Variants in CADPS observed in about 807,000 individuals in gnomAD.
CADPS encodes the protein calcium-dependent secretion activator 1.
Under a neutral mutation model 167.3 loss-of-function variants are expected in CADPS, and 57 were observed. The observed-to-expected ratio is 0.34, with a 90% CI of 0.28 to 0.42. The LOEUF is 0.42. Ranked by LOEUF, CADPS falls within the 20% of genes least tolerant of loss-of-function variation. The pLI is 1.00. For synonymous variants in CADPS, 676 were observed against 635.3 expected, an observed-to-expected ratio of 1.06 and a Z score of -0.96; for missense variants, 1,414 against 1,738.1, an observed-to-expected ratio of 0.81 and a Z score of 3.32.
chr3:62,490,150 G>A (rs1412384096), intron 21 of CADPS, among the ~76,000 whole-genome samples: 1 of 152,064 alleles, frequency 6.6e-6, no homozygotes. Context: ...TTAAAAATAG[G>A]CTGCAAGTCA....
intron 21 of CADPS, among the ~76,000 whole-genome samples, chr3:62,483,221 G>A (rs1307187987): frequency 6.6e-6 from 1 of 151,234 alleles, no homozygotes; most frequent in South Asian, 2.1e-4. Context: ...TTTTGCCAAA[G>A]CAGCTCTGCC....
At chr3:62,554,914 G>A (rs112835185) in intron 10 of CADPS, among the ~76,000 whole-genome samples, 4,278 of 152,044 alleles carry the variant, frequency 0.028, 60 homozygotes, top group Middle Eastern at 0.045. Context: ...CACCACGTGC[G>A]GCTAATTTTT....
intron 6 of CADPS, among the ~76,000 whole-genome samples, chr3:62,631,110 AC>A (rs2065195163): frequency 3.0e-5 from 2 of 67,574 alleles, no homozygotes; most frequent in Non-Finnish European, 5.4e-5. Flanking sequence ...TCTGTATAAT[AC>A]ACACACACAC....
intron 28 of CADPS, among the ~76,000 whole-genome samples, chr3:62,418,216 A>G (rs1240472132): frequency 6.6e-6 from 1 of 151,878 alleles, no homozygotes; most frequent in Non-Finnish European, 1.5e-5. Context: ...GTAATTTCAT[A>G]TGTAATAAAT....
At chr3:62,591,968 G>A (rs1352977897) in intron 7 of CADPS, among the ~76,000 whole-genome samples, 1 of 151,852 alleles carries the variant, frequency 6.6e-6, no homozygotes, top group African/African-American at 2.4e-5. Flanking sequence ...GAACTACGTG[G>A]AGATCTTAAC....
At chr3:62,473,931 A>G in intron 24 of CADPS, 2 of 404,206 alleles carry the variant, frequency 4.9e-6, no homozygotes, top group South Asian at 6.0e-5. Context: ...TTAGAGAACT[A>G]TATGGCCACC....
In CADPS at chr3:62,602,842, C is replaced by A. The variant is rs1413623848; in HGVS notation, c.1326-10094G>T. On this transcript the variant is annotated intron_variant, in intron 6 of 29. Transcript: ENST00000383710. This position sits in a 1 kb window ranked among gnomAD's most constrained non-coding sequence, Gnocchi z 4.4. Reference sequence around the variant, plus strand: ...CACATCTGTTCCTCTAAGGCTTCCCCGGCTTAGTTAAAGGAACTGCCAGCC... The same window carrying A: ...CACATCTGTTCCTCTAAGGCTTCCCAGGCTTAGTTAAAGGAACTGCCAGCC... Among the ~76,000 whole-genome samples, 2 of 152,160 alleles carry A rather than the reference C, an allele frequency of 1.3e-5. No homozygotes were observed. The highest frequency in any genetic ancestry group is 3.9e-4 in the East Asian group (2 of 5,190).
intron 26 of CADPS, among the ~76,000 whole-genome samples, chr3:62,457,330 T>C (rs1430162775): frequency 6.6e-6 from 1 of 152,156 alleles, no homozygotes; most frequent in Admixed American, 6.6e-5. Flanking sequence ...GTGGCAGAAC[T>C]GGAAAAATAA....
chr3:62,698,611 GTTCTTA>G (rs1563997101), intron 3 of CADPS, among the ~76,000 whole-genome samples: 2 of 128,048 alleles, frequency 1.6e-5, no homozygotes, highest in African/African-American at 5.2e-5. Context: ...ATTAGTGGTG[GTTCTTA>G]TTCTTGTTCT....
chr3:62,501,690 T>C (rs149871658), intron 17 of CADPS, among the ~76,000 whole-genome samples: 1,728 of 152,338 alleles, frequency 0.011, 12 homozygotes, highest in Middle Eastern at 0.02. Flanking sequence ...ATTCTGGCTG[T>C]TTATGACATA....
At chr3:62,728,940 C>A (rs2077241015) in intron 3 of CADPS, among the ~76,000 whole-genome samples, 1 of 151,820 alleles carries the variant, frequency 6.6e-6, no homozygotes, top group African/African-American at 2.4e-5. Flanking sequence ...TGCTGGGTGA[C>A]CTTCATTAGT....
chr3:62,754,851 C>T (rs2083498550), intron 2 of CADPS, among the ~76,000 whole-genome samples: 1 of 152,130 alleles, frequency 6.6e-6, no homozygotes, highest in African/African-American at 2.4e-5. Context: ...AAACATTAAC[C>T]ACTATTTGTA....
intron 6 of CADPS, among the ~76,000 whole-genome samples, chr3:62,605,009 G>A (rs1203151874): frequency 6.6e-6 from 1 of 152,108 alleles, no homozygotes; most frequent in Non-Finnish European, 1.5e-5. Context: ...GTTTGTTATG[G>A]TTGCAACTGT....
At chr3:62,870,697 A>C (rs1392920518) in intron 1 of CADPS, among the ~76,000 whole-genome samples, 4 of 152,192 alleles carry the variant, frequency 2.6e-5, no homozygotes, top group Non-Finnish European at 5.9e-5. Flanking sequence ...GTATGTAGAC[A>C]CAATGCTCAT....
At chr3:62,794,284 A>G (rs2093204433) in intron 1 of CADPS, among the ~76,000 whole-genome samples, 1 of 152,188 alleles carries the variant, frequency 6.6e-6, no homozygotes, top group Non-Finnish European at 1.5e-5. Context: ...TGTTATAATA[A>G]TTAAGTAAGT....
intron 3 of CADPS, among the ~76,000 whole-genome samples, chr3:62,747,127 T>C (rs2081631465): frequency 6.6e-6 from 1 of 152,234 alleles, no homozygotes; most frequent in Non-Finnish European, 1.5e-5. Context: ...TAGTGCAAAG[T>C]AGATGCTAAA....
intron 9 of CADPS, among the ~76,000 whole-genome samples, chr3:62,561,017 T>C (rs1231665623): frequency 3.6e-5 from 5 of 139,142 alleles, no homozygotes; most frequent in Non-Finnish European, 1.5e-5. Context: ...AGGCAGAGGT[T>C]GCAGTGAGCT....
At position 62,753,728 on chromosome 3, in the gene CADPS, C is replaced by T. The variant is rs1275578834; in HGVS notation, c.601G>A (p.Gly201Ser). 1.2e-6 allele frequency: 2 copies of T among 1,614,164 alleles called. No homozygotes were observed. Among genetic ancestry groups the T allele is most frequent in the Non-Finnish European group, 1.7e-6 (2 of 1,180,040 alleles). ...DRVARMVQSG[G>S]CSANDSREVF... Reference sequence around the variant, plus strand: ...TCCCGGGAGTCGTTGGCGGAACAGCCTCCACTCTGAACCATGCGGGCCACA... The same window carrying T: ...TCCCGGGAGTCGTTGGCGGAACAGCTTCCACTCTGAACCATGCGGGCCACA... Residue 201 changes from glycine to serine, a missense_variant, in exon 3 of 30, where the codon GGC becomes AGC. Physicochemically the swap from Gly to Ser is moderately conservative, Grantham distance 56 (BLOSUM62 0). Transcript: ENST00000383710. The surrounding 1 kb of genome is among the most constrained non-coding windows in gnomAD (Gnocchi z 4.6).
intron 2 of CADPS, among the ~76,000 whole-genome samples, chr3:62,759,366 G>A (rs1419442729): frequency 6.6e-6 from 1 of 152,106 alleles, no homozygotes; most frequent in Non-Finnish European, 1.5e-5. Context: ...TTTTTAAATA[G>A]AATATCATGC....
Sources: gnomAD v4.1 joint callset for allele counts (sites outside exome capture counted in the v4.1 genomes callset) on GRCh38, gnomAD v4.1.1 for gene constraint, Gnocchi (gnomAD v3.1) non-coding constraint, MANE v1.5 for transcripts, NCBI Gene and HGNC (gene_info 2026-07-23, HGNC 2026-07-21) for gene names.